The following MEGF11 variants were observed in gnomAD, a reference collection of about 807,000 sequenced individuals.
MEGF11 encodes the protein multiple epidermal growth factor-like domains protein 11.
A neutral mutation model predicts 146.6 loss-of-function variants in MEGF11; 126 were observed. The ratio of observed to expected loss-of-function variants is 0.86; its 90% CI spans 0.74 to 1.00. MEGF11 has a LOEUF of 1.00. Ranked by LOEUF, MEGF11 falls within the 50% of genes least tolerant of loss-of-function variation. The pLI is 0.00. For synonymous variants in MEGF11, 532 were observed against 583.4 expected (o/e 0.91, Z 1.27); for missense variants, 1,509 against 1,521.2 (o/e 0.99, Z 0.13).
At chr15:65,901,925 A>T (rs1328842307) in intron 24 of MEGF11, 1 of 151,756 alleles carries the variant, frequency 6.6e-6, no homozygotes, top group East Asian at 2.0e-4. Flanking sequence ...TAAATAGTTT[A>T]GTCAGGACTC....
At chr15:66,000,076 G>A (rs1596973536) in intron 5 of MEGF11, among the ~76,000 whole-genome samples, 1 of 152,210 alleles carries the variant, frequency 6.6e-6, no homozygotes, top group Admixed American at 6.5e-5. Flanking sequence ...TCAAGGGCAC[G>A]GAAGCCAGGG....
intron 1 of MEGF11, among the ~76,000 whole-genome samples, chr15:66,202,088 G>C (rs995825814): frequency 3.2e-4 from 49 of 151,978 alleles, no homozygotes; most frequent in Admixed American, 3.0e-3. Context: ...TGAAGCCATG[G>C]TAAGTGCTGA....
chr15:66,144,222 G>T (rs2141014752), intron 1 of MEGF11, among the ~76,000 whole-genome samples: 1 of 152,256 alleles, frequency 6.6e-6, no homozygotes, highest in African/African-American at 2.4e-5. Flanking sequence ...GGTGGGAGGG[G>T]TCAACTAGGT....
chr15:66,191,263 C>G (rs926928624), intron 1 of MEGF11, among the ~76,000 whole-genome samples: 1 of 152,198 alleles, frequency 6.6e-6, no homozygotes, highest in Non-Finnish European at 1.5e-5. Flanking sequence ...GAGGGCCGCT[C>G]TCCGGGCTGG....
intron 13 of MEGF11, among the ~76,000 whole-genome samples, chr15:65,925,764 C>G (rs928410128): frequency 5.3e-5 from 8 of 152,170 alleles, no homozygotes; most frequent in East Asian, 1.9e-4. Flanking sequence ...ATGTTGATCT[C>G]TAGTTCATGC....
intron 19 of MEGF11, 137 bp downstream of exon 19, chr15:65,915,332 GC>G: frequency 8.4e-7 from 1 of 1,188,202 alleles, no homozygotes; most frequent in Non-Finnish European, 1.2e-6. Flanking sequence ...AGCCTCTGCA[GC>G]CCACCCTATT....
intron 1 of MEGF11, among the ~76,000 whole-genome samples, chr15:66,190,989 T>G (rs1311748651): frequency 4.7e-5 from 1 of 21,402 alleles, no homozygotes; most frequent in Admixed American, 6.5e-4. Context: ...CAGGGGAGAC[T>G]ATTACAACAC....
chr15:66,174,552 T>A (rs1283735452), intron 1 of MEGF11, among the ~76,000 whole-genome samples: 1 of 151,994 alleles, frequency 6.6e-6, no homozygotes, highest in Non-Finnish European at 1.5e-5. Flanking sequence ...CTGTAAGTGA[T>A]ATAACTCTGC....
intron 10 of MEGF11, among the ~76,000 whole-genome samples, chr15:65,956,035 C>T (rs555375449): frequency 7.9e-5 from 12 of 152,022 alleles, no homozygotes; most frequent in African/African-American, 1.2e-4. Context: ...AGCAAACCCT[C>T]GCTTGATCTA....
At chr15:66,112,547 AAGAAAGG>A (rs2087483375) in intron 4 of MEGF11, among the ~76,000 whole-genome samples, 1 of 152,230 alleles carries the variant, frequency 6.6e-6, no homozygotes, top group African/African-American at 2.4e-5. Flanking sequence ...AAGAGAATGG[AAGAAAGG>A]AGATTTTTGA....
chr15:66,221,989 C>T (rs2091749998), intron 1 of MEGF11, among the ~76,000 whole-genome samples: 1 of 152,134 alleles, frequency 6.6e-6, no homozygotes, highest in Non-Finnish European at 1.5e-5. Flanking sequence ...CCAATTAGGC[C>T]GCTTGCACTT....
At chr15:66,038,231 G>A (rs1426725358) in intron 5 of MEGF11, among the ~76,000 whole-genome samples, 1 of 152,154 alleles carries the variant, frequency 6.6e-6, no homozygotes, top group African/African-American at 2.4e-5. Flanking sequence ...GACGGAAAAA[G>A]CAGAATTTCT....
chr15:66,112,875 G>T (rs533309869), intron 4 of MEGF11, among the ~76,000 whole-genome samples: 1 of 152,234 alleles, frequency 6.6e-6, no homozygotes, highest in Non-Finnish European at 1.5e-5. Context: ...TAGGAGCATT[G>T]GTAACTCATA....
At chr15:66,066,945 G>A (rs922707810) in intron 5 of MEGF11, among the ~76,000 whole-genome samples, 4 of 152,318 alleles carry the variant, frequency 2.6e-5, no homozygotes, top group South Asian at 2.1e-4. Context: ...GTTCTCCTCC[G>A]TGTGAGGGTG....
intron 5 of MEGF11, among the ~76,000 whole-genome samples, chr15:66,080,108 G>A (rs1001049311): frequency 8.5e-5 from 13 of 152,160 alleles, no homozygotes; most frequent in African/African-American, 2.9e-4. Context: ...CATCAAGGCC[G>A]GCAGACCCAG....
rs990862889 is a variant in MEGF11 at position 66,011,497 on chromosome 15, G to A, written c.395-29009C>T. 7.9e-5 allele frequency among the ~76,000 whole-genome samples: 12 copies of A among 152,206 alleles called. No homozygotes were observed. In the Middle Eastern group the frequency reaches 0.01, roughly 129 times the overall value. Reference sequence around the variant, plus strand: ...GAGAAGTCAGAGGCAGAACAACCTCGGACTTGAGAGCCCTCATCTTCCCAC... The same window carrying A: ...GAGAAGTCAGAGGCAGAACAACCTCAGACTTGAGAGCCCTCATCTTCCCAC... On this transcript the variant is annotated intron_variant, in intron 5 of 25. Transcript: ENST00000395614.
intron 4 of MEGF11, among the ~76,000 whole-genome samples, chr15:66,096,236 G>A (rs557973436): frequency 1.3e-5 from 2 of 152,316 alleles, no homozygotes; most frequent in African/African-American, 4.8e-5. Flanking sequence ...CACTAACACC[G>A]CCAACTGTTT....
chr15:66,017,571 C>A (rs1174159014), intron 5 of MEGF11, among the ~76,000 whole-genome samples: 1 of 152,196 alleles, frequency 6.6e-6, no homozygotes, highest in Non-Finnish European at 1.5e-5. Context: ...TCTGACCCGT[C>A]CTTCCTCCCC....
intron 15 of MEGF11, among the ~76,000 whole-genome samples, chr15:65,921,056 G>T (rs933667707): frequency 7.2e-5 from 11 of 152,142 alleles, no homozygotes; most frequent in African/African-American, 2.7e-4. Flanking sequence ...TTTCTCTGGG[G>T]CTCAAACTTC....
Sources: gnomAD v4.1 joint callset for allele counts (sites outside exome capture counted in the v4.1 genomes callset) on GRCh38, gnomAD v4.1.1 for gene constraint, MANE v1.5 for transcripts, NCBI Gene and HGNC (gene_info 2026-07-23, HGNC 2026-07-21) for gene names.